Variants in NMNAT2 observed in about 807,000 individuals in gnomAD.
NMNAT2 encodes the protein nicotinamide/nicotinic acid mononucleotide adenylyltransferase 2.
In NMNAT2, 11 loss-of-function variants were observed where a neutral mutation model predicts 41.6. That is an observed-to-expected ratio of 0.26 (90% CI 0.17 to 0.44). The LOEUF (loss-of-function observed/expected upper bound fraction) is 0.44, where lower values mean the gene tolerates loss of function less well. NMNAT2 is among the 20% of genes least tolerant of loss of function. The pLI is 1.00. For synonymous variants in NMNAT2, 148 were observed against 151.2 expected (o/e 0.98, Z 0.16); for missense variants, 288 against 407.7 (o/e 0.71, Z 2.53).
At chr1:183,271,845 C>T (rs765945733) in intron 8 of NMNAT2, among the ~76,000 whole-genome samples, 4 of 152,028 alleles carry the variant, frequency 2.6e-5, no homozygotes, top group Non-Finnish European at 5.9e-5. Context: ...CTGCACCTCC[C>T]GGGTTCAAGC....
intron 1 of NMNAT2, among the ~76,000 whole-genome samples, chr1:183,372,343 G>A (rs1663567081): frequency 1.3e-5 from 2 of 152,132 alleles, no homozygotes; most frequent in African/African-American, 4.8e-5. Context: ...TGACTACAGA[G>A]AAATAGACTC....
At position 183,252,505 on chromosome 1, in the gene NMNAT2, C is replaced by G. The variant is rs199849281; in HGVS notation, c.*136G>C. On this transcript the variant is annotated 3_prime_UTR_variant, in exon 11 of 11. Transcript: ENST00000287713. Reference sequence around the variant, plus strand: ...GAATGCCATGGTTCTCTGCAGGTCCCCCACACTATGGGGGGTTAAGTCAGC... The same window carrying G: ...GAATGCCATGGTTCTCTGCAGGTCCGCCACACTATGGGGGGTTAAGTCAGC... 8.3e-5 allele frequency: 61 copies of G among 735,586 alleles called. No homozygotes were observed. The highest frequency in any genetic ancestry group is 1.4e-4 in the Non-Finnish European group (56 of 403,396). 45.6% of individuals were successfully genotyped at this position (735,586 alleles called of 1,614,324 possible). A position where few individuals can be genotyped will look rare whatever the true frequency, so the allele number is the denominator to read the frequency against.
Position 183,286,588 on chromosome 1 carries a change from C to T in NMNAT2, c.448+74G>A, listed in dbSNP as rs550880076. The stretch of plus-strand genomic sequence containing the variant: ...CTACTGAATCAAGTTCTGGGTGGAT[C>T]CCAGTAGTCATTAATTTAACAAGCC... On this transcript the variant is annotated intron_variant, in intron 5 of 10. Transcript: ENST00000287713. 1.2e-5 allele frequency: 16 copies of T among 1,347,380 alleles called. No individual in the cohort carries two copies. The South Asian group carries it at 2.3e-4, about 19-fold the overall frequency. 83.5% of individuals were successfully genotyped at this position (1,347,380 alleles called of 1,614,324 possible).
chr1:183,314,986 G>A (rs1330751971), intron 1 of NMNAT2, among the ~76,000 whole-genome samples: 1 of 152,190 alleles, frequency 6.6e-6, no homozygotes, highest in African/African-American at 2.4e-5. Flanking sequence ...AACTTATGGG[G>A]GAAAAAGTCG....
At chr1:183,414,068 T>C (rs973126733) in intron 1 of NMNAT2, among the ~76,000 whole-genome samples, 3 of 152,240 alleles carry the variant, frequency 2.0e-5, no homozygotes, top group African/African-American at 7.2e-5. Context: ...ATTAGACCTC[T>C]GACTGGCTTA....
At chr1:183,287,964 G>A (rs961048751) in intron 4 of NMNAT2, among the ~76,000 whole-genome samples, 14 of 152,150 alleles carry the variant, frequency 9.2e-5, no homozygotes, top group African/African-American at 3.4e-4. Context: ...GGTCACATCT[G>A]ACCACATCTG....
chr1:183,322,842 C>CCT (rs558273361), intron 1 of NMNAT2, among the ~76,000 whole-genome samples: 44 of 152,202 alleles, frequency 2.9e-4, no homozygotes, highest in Non-Finnish European at 5.3e-4. Flanking sequence ...ACCTTGCAGA[C>CCT]CTCTCCTCCA....
At chr1:183,381,556 G>A (rs1379776933) in intron 1 of NMNAT2, among the ~76,000 whole-genome samples, 6 of 152,084 alleles carry the variant, frequency 3.9e-5, no homozygotes, top group Non-Finnish European at 7.3e-5. Flanking sequence ...AATTAGCTGG[G>A]TGTGGTGGTG....
chr1:183,394,076 T>A (rs943076038), intron 1 of NMNAT2, among the ~76,000 whole-genome samples: 4 of 152,168 alleles, frequency 2.6e-5, no homozygotes, highest in Non-Finnish European at 4.4e-5. Context: ...TAGAGGTTGA[T>A]GAGAAGCATA....
chr1:183,365,356 G>A (rs891770908), intron 1 of NMNAT2, among the ~76,000 whole-genome samples: 4 of 151,960 alleles, frequency 2.6e-5, no homozygotes, highest in African/African-American at 9.7e-5. Flanking sequence ...CAGCAAACAG[G>A]TCCATGCAGC....
intron 1 of NMNAT2, among the ~76,000 whole-genome samples, chr1:183,303,605 C>A (rs1045694068): frequency 2.0e-5 from 3 of 152,188 alleles, no homozygotes; most frequent in Non-Finnish European, 2.9e-5. Context: ...TCGTTCCAGT[C>A]TGGATAGTTT....
Position 183,252,627 on chromosome 1 carries a change from A to C in NMNAT2, c.*14T>G, listed in dbSNP as rs1660420845. 1.3e-6 allele frequency: 2 copies of C among 1,586,778 alleles called. No homozygotes were observed. Among genetic ancestry groups the C allele is most frequent in the Non-Finnish European group, 1.7e-6 (2 of 1,155,012 alleles). ...GATGGAGGGGCCATTGTGTTGCCGG[A>C]GGACGAGGGGCTGCTAGCCGGAGGC... On this transcript the variant is annotated 3_prime_UTR_variant, in exon 11 of 11. Transcript: ENST00000287713.
chr1:183,388,815 G>A (rs1296610233), intron 1 of NMNAT2, among the ~76,000 whole-genome samples: 2 of 152,148 alleles, frequency 1.3e-5, no homozygotes, highest in Admixed American at 1.3e-4. Context: ...TGGTGCCCTA[G>A]AACAATGCCT....
chr1:183,304,579 G>T, intron 1 of NMNAT2: 2 of 1,229,194 alleles, frequency 1.6e-6, no homozygotes, highest in Non-Finnish European at 2.4e-6. Context: ...GAGAAGCTCC[G>T]CTGGAGACAG....
chr1:183,410,650 C>A (rs968157216), intron 1 of NMNAT2, among the ~76,000 whole-genome samples: 2 of 152,154 alleles, frequency 1.3e-5, no homozygotes, highest in Non-Finnish European at 2.9e-5. Context: ...TGCACTCTAG[C>A]AAGTTCCCTA....
intron 5 of NMNAT2, 27 bp downstream of exon 5, chr1:183,286,635 G>A: frequency 1.3e-6 from 2 of 1,583,808 alleles, no homozygotes; most frequent in Non-Finnish European, 1.7e-6. Flanking sequence ...TCTGAGGTCT[G>A]AGAATCACAC....
intron 1 of NMNAT2, among the ~76,000 whole-genome samples, chr1:183,396,003 C>T (rs762047136): frequency 5.9e-5 from 9 of 152,208 alleles, no homozygotes; most frequent in Non-Finnish European, 1.2e-4. Flanking sequence ...TTTTGCTCCT[C>T]TCACTGTCCT....
At chr1:183,313,523 AGGCT>A (rs1218480232) in intron 1 of NMNAT2, among the ~76,000 whole-genome samples, 1 of 151,088 alleles carries the variant, frequency 6.6e-6, no homozygotes, top group Admixed American at 6.6e-5. Context: ...TCTTTTGCCC[AGGCT>A]GGAGTGCAGT....
chr1:183,347,014 T>C (rs1247476416), intron 1 of NMNAT2, among the ~76,000 whole-genome samples: 3 of 152,184 alleles, frequency 2.0e-5, no homozygotes. Flanking sequence ...CTTGACCTTC[T>C]GGGTGGGAAC....
Sources: allele counts gnomAD v4.1 joint callset (sites outside exome capture counted in the v4.1 genomes callset), GRCh38; gene constraint gnomAD v4.1.1; transcripts MANE v1.5; gene names NCBI Gene and HGNC (gene_info 2026-07-23, HGNC 2026-07-21).